The following DDX4 variants were observed in gnomAD, a reference collection of about 807,000 sequenced individuals.
DDX4 encodes DEAD-box helicase 4, also known as probable ATP-dependent RNA helicase DDX4.
In DDX4, 25 loss-of-function variants were observed where a neutral mutation model predicts 100.0. The observed-to-expected ratio is 0.25, with a 90% CI of 0.18 to 0.35. The LOEUF (loss-of-function observed/expected upper bound fraction) is 0.35. DDX4 is among the 10% of genes least tolerant of loss of function. The probability of loss-of-function intolerance (pLI) is 1.00; values close to 1 mark genes in which losing one functional copy is unlikely to be tolerated. For synonymous variants in DDX4, 259 were observed against 275.7 expected, an observed-to-expected ratio of 0.94 and a Z score of 0.60; for missense variants, 635 against 882.4, an observed-to-expected ratio of 0.72 and a Z score of 3.55.
intron 17 of DDX4, among the ~76,000 whole-genome samples, chr5:55,794,183 CTT>C (rs70995739): frequency 6.0e-4 from 82 of 136,142 alleles, no homozygotes; most frequent in Non-Finnish European, 9.8e-4. Context: ...TATTTTCTTT[CTT>C]TTTTTTTTTT....
chr5:55,782,809 T>C (rs1432886477), intron 10 of DDX4, among the ~76,000 whole-genome samples: 1 of 150,476 alleles, frequency 6.6e-6, no homozygotes, highest in East Asian at 1.9e-4. Flanking sequence ...TTTTTTTTTT[T>C]TTTTGAGACA....
At chr5:55,811,631 T>C (rs1342571812) in intron 18 of DDX4, among the ~76,000 whole-genome samples, 1 of 152,204 alleles carries the variant, frequency 6.6e-6, no homozygotes, top group Non-Finnish European at 1.5e-5. Flanking sequence ...GTCACTGTTA[T>C]TCCTAGTGTA....
At chr5:55,756,051 G>A (rs1759909509) in intron 3 of DDX4, among the ~76,000 whole-genome samples, 1 of 152,088 alleles carries the variant, frequency 6.6e-6, no homozygotes, top group African/African-American at 2.4e-5. Context: ...AGTAGTTATA[G>A]GTTATTTGTG....
intron 21 of DDX4, 105 bp from the exon 22 acceptor site, chr5:55,816,358 A>G (rs1386124351): frequency 6.9e-7 from 1 of 1,451,938 alleles, no homozygotes; most frequent in Non-Finnish European, 9.1e-7. Context: ...AAGACATGGT[A>G]GATACTTTGA....
At chr5:55,765,413 A>AAATAT (rs1392558099) in intron 6 of DDX4, among the ~76,000 whole-genome samples, 55 of 82,994 alleles carry the variant, frequency 6.6e-4, no homozygotes, top group African/African-American at 1.0e-3. Context: ...AAAAAAAAAA[A>AAATAT]ATATATATAT....
chr5:55,785,976 G>C, intron 13 of DDX4, 105 bp downstream of exon 13: 2 of 716,836 alleles, frequency 2.8e-6, no homozygotes, highest in Non-Finnish European at 4.7e-6. Flanking sequence ...TTCACCTTTC[G>C]TATATAAGGT....
At chr5:55,796,145 C>T (rs866664876) in intron 17 of DDX4, among the ~76,000 whole-genome samples, 5 of 152,154 alleles carry the variant, frequency 3.3e-5, no homozygotes, top group South Asian at 4.2e-4. Flanking sequence ...CTTCTGCCTG[C>T]GTTCTTGTAG....
chr5:55,809,779 G>T (rs1017001186), intron 18 of DDX4, among the ~76,000 whole-genome samples: 2 of 152,172 alleles, frequency 1.3e-5, no homozygotes, highest in African/African-American at 4.8e-5. Context: ...TACATCCCTA[G>T]TGAAGAACCA....
chr5:55,765,413 A>AAAAAATATATATATATATAT (rs1392558099), intron 6 of DDX4, among the ~76,000 whole-genome samples: 3 of 83,042 alleles, frequency 3.6e-5, no homozygotes, highest in African/African-American at 1.7e-4. Context: ...AAAAAAAAAA[A>AAAAAATATATATATATATAT]ATATATATAT....
At chr5:55,775,026 C>T (rs1227207693) in intron 7 of DDX4, among the ~76,000 whole-genome samples, 1 of 152,180 alleles carries the variant, frequency 6.6e-6, no homozygotes, top group African/African-American at 2.4e-5. Flanking sequence ...TCCCTGTGTA[C>T]TCCCTTAACC....
chr5:55,776,946 G>A (rs541735457), intron 7 of DDX4, among the ~76,000 whole-genome samples: 108 of 152,222 alleles, frequency 7.1e-4, no homozygotes, highest in African/African-American at 2.2e-3. Flanking sequence ...TAAAATACTA[G>A]CAAATGAAAA....
At chr5:55,811,396 A>T (rs1442836081) in intron 18 of DDX4, among the ~76,000 whole-genome samples, 2 of 152,140 alleles carry the variant, frequency 1.3e-5, no homozygotes, top group Non-Finnish European at 2.9e-5. Flanking sequence ...AGGTAAAAAT[A>T]ATTTTCATGA....
At chr5:55,763,335 TC>T in intron 5 of DDX4, 83 bp downstream of exon 5, 1 of 878,740 alleles carries the variant, frequency 1.1e-6, no homozygotes, top group Non-Finnish European at 1.9e-6. Context: ...TGACAGACAT[TC>T]CATATTGACA....
intron 18 of DDX4, among the ~76,000 whole-genome samples, chr5:55,800,212 A>T (rs1743208466): frequency 6.6e-6 from 1 of 152,298 alleles, no homozygotes; most frequent in Middle Eastern, 3.4e-3. Context: ...AGAAACAAAT[A>T]TAGAGAGGTC....
At chr5:55,797,323 G>C (rs543705422) in intron 17 of DDX4, among the ~76,000 whole-genome samples, 9 of 152,180 alleles carry the variant, frequency 5.9e-5, no homozygotes, top group African/African-American at 2.2e-4. Flanking sequence ...TTGAAGTGAG[G>C]ATCTCATAGG....
At chr5:55,742,389 A>G (rs908408794) in intron 2 of DDX4, among the ~76,000 whole-genome samples, 5 of 152,328 alleles carry the variant, frequency 3.3e-5, no homozygotes, top group South Asian at 2.1e-4. Flanking sequence ...TCAGAAGGCA[A>G]AATCTCTTGT....
intron 7 of DDX4, chr5:55,773,186 A>T (rs1028113305): frequency 1.3e-5 from 2 of 152,448 alleles, no homozygotes; most frequent in African/African-American, 4.8e-5. Flanking sequence ...GTGTCCTCAC[A>T]TGGTGGATAA....
chr5:55,771,950 C>T (rs376480274), intron 7 of DDX4, among the ~76,000 whole-genome samples: 5 of 152,262 alleles, frequency 3.3e-5, no homozygotes, highest in African/African-American at 4.8e-5. Flanking sequence ...ATAGGCCGGA[C>T]GCGGTGGCTT....
chr5:55,795,139 A>G (rs1374681013), intron 17 of DDX4, among the ~76,000 whole-genome samples: 1 of 151,648 alleles, frequency 6.6e-6, no homozygotes, highest in African/African-American at 2.4e-5. Flanking sequence ...CTAATTTTGT[A>G]TTTTTAGTAG....
Sources: allele counts gnomAD v4.1 joint callset (sites outside exome capture counted in the v4.1 genomes callset), GRCh38; gene constraint gnomAD v4.1.1; transcripts MANE v1.5; gene names NCBI Gene and HGNC (gene_info 2026-07-23, HGNC 2026-07-21).